The following CSTL1 variants were observed in gnomAD, a reference collection of about 807,000 sequenced individuals.
The protein encoded by CSTL1 is cystatin-like 1.
A neutral mutation model predicts 14.4 loss-of-function variants in CSTL1; 14 were observed. The observed-to-expected ratio is 0.97, with a 90% CI of 0.64 to 1.52. The LOEUF is 1.52. Among genes scored for constraint, CSTL1 ranks in the 40% most tolerant of loss-of-function variants. CSTL1 has a pLI of 0.00. For missense variants in CSTL1, 170 were observed against 168.7 expected (o/e 1.01, Z -0.04); for synonymous variants, 72 against 67.5 (o/e 1.07, Z -0.33).
At chr20:23,460,585 G>C in the CSTL1 span, among the ~76,000 whole-genome samples, 2 of 152,058 alleles carry the variant, frequency 1.3e-5, no homozygotes. Context: ...CCAAAGTTAA[G>C]GACGCACCTG....
chr20:23,458,670 G>T, the CSTL1 span: 3 of 152,196 alleles, frequency 2.0e-5, no homozygotes, highest in Non-Finnish European at 4.4e-5. Context: ...ATTACGGTGA[G>T]GATGAGAAAG....
At chr20:23,460,911 C>T in the CSTL1 span, among the ~76,000 whole-genome samples, 5 of 152,288 alleles carry the variant, frequency 3.3e-5, no homozygotes, top group South Asian at 4.1e-4. Flanking sequence ...AAAAGCTACT[C>T]GCCTCCCCCA....
chr20:23,444,257 C>A (rs2123315710), intron 3 of CSTL1, among the ~76,000 whole-genome samples: 1 of 152,340 alleles, frequency 6.6e-6, no homozygotes, highest in East Asian at 1.9e-4. Context: ...GTTGCCTGGA[C>A]CCTTCTCCAA....
chr20:23,444,062 T>A lies in CSTL1; in HGVS notation c.330+18T>A. The A allele has an allele frequency of 6.3e-7, 1 of 1,590,460 alleles. No individual in the cohort carries two copies. The highest frequency in any genetic ancestry group is 8.6e-7 in the Non-Finnish European group (1 of 1,158,972). On this transcript the variant is annotated intron_variant, in intron 3 of 3. Transcript: ENST00000347397. ...TGAGAAAGGTGTGTAGTGGAAGTCA[T>A]CCCAAAGGGACTTGTGAAGTGAATA...
chr20:23,444,154 C>CCA, intron 3 of CSTL1, 110 bp downstream of exon 3: 1 of 917,354 alleles, frequency 1.1e-6, no homozygotes, highest in Non-Finnish European at 1.7e-6. Context: ...AGCTGGGGCC[C>CCA]AGCCCTGGGG....
the CSTL1 span, among the ~76,000 whole-genome samples, chr20:23,460,928 G>T: frequency 2.0e-5 from 3 of 152,134 alleles, no homozygotes; most frequent in Non-Finnish European, 4.4e-5. Flanking sequence ...CCCATATTCT[G>T]CCCACAAGGA....
the CSTL1 span, chr20:23,450,532 A>T: frequency 6.2e-7 from 1 of 1,612,172 alleles, no homozygotes; most frequent in Non-Finnish European, 8.5e-7. Context: ...CTTTTGTTCA[A>T]AATTTTGTAC....
At position 23,444,875 on chromosome 20, in the gene CSTL1, A is replaced by G. The variant is rs755304627; in HGVS notation, c.435A>G (p.Arg145=). Residue 145 remains arginine, a synonymous_variant, in exon 4 of 4, where the codon AGA becomes AGG. Coordinates refer to ENST00000347397, the MANE Select transcript of CSTL1 (RefSeq NM_138283.1). The part of the protein sequence containing the change: ...LEAEHVGRNL[R] ...CCGAGCATGTGGGCAGAAACCTCAG[A>G]TGAGGGCTCATATGATTGAGTTGTG... 1 of 1,601,364 alleles carries G rather than the reference A, an allele frequency of 6.2e-7. No homozygotes were observed. Among genetic ancestry groups the G allele is most frequent in the South Asian group, 1.1e-5 (1 of 90,814 alleles).
intron 3 of CSTL1, among the ~76,000 whole-genome samples, chr20:23,444,517 G>T (rs1443501025): frequency 5.3e-5 from 8 of 152,210 alleles, no homozygotes; most frequent in Non-Finnish European, 7.3e-5. Context: ...TGGCCCACAT[G>T]ACAGGGTCCG....
the CSTL1 span, among the ~76,000 whole-genome samples, chr20:23,451,616 C>T: frequency 1.3e-5 from 2 of 152,210 alleles, no homozygotes; most frequent in African/African-American, 2.4e-5. Context: ...CCTCCTCACA[C>T]TCCTTCCAGC....
At position 23,440,130 on chromosome 20, in the gene CSTL1, CT is replaced by C; in HGVS notation, c.-124-13del. On this transcript the variant is annotated splice_polypyrimidine_tract_variant and intron_variant, in intron 1 of 3. Coordinates refer to ENST00000347397, the MANE Select transcript of CSTL1 (RefSeq NM_138283.1). ...AGTGACAAGGTTCAGGTCTGAATCTCTGTTTAAATGCAGGCAGGCCATCCCC... is the reference window on the plus strand; with the variant it reads ...AGTGACAAGGTTCAGGTCTGAATCTCGTTTAAATGCAGGCAGGCCATCCCC... 1.3e-6 allele frequency: 1 copy of C among 773,440 alleles called. No homozygotes were observed. The highest frequency in any genetic ancestry group is 2.1e-6 in the Non-Finnish European group (1 of 468,728). 47.9% of individuals were successfully genotyped at this position (773,440 alleles called of 1,614,324 possible).
At chr20:23,446,312 G>A (rs551835901), downstream of CSTL1, among the ~76,000 whole-genome samples, 21 of 150,930 alleles carry the variant, frequency 1.4e-4, no homozygotes, top group African/African-American at 3.4e-4. Flanking sequence ...CTGGAGTGCC[G>A]TGGCACGATC....
the CSTL1 span, among the ~76,000 whole-genome samples, chr20:23,451,216 T>C: frequency 6.6e-6 from 1 of 152,188 alleles, no homozygotes; most frequent in African/African-American, 2.4e-5. Context: ...CATCCATCTG[T>C]CCATTGCACC....
chr20:23,447,917 T>A (rs1987000194), downstream of CSTL1, among the ~76,000 whole-genome samples: 1 of 152,260 alleles, frequency 6.6e-6, no homozygotes, highest in Admixed American at 6.5e-5. Context: ...TCGATTTAAA[T>A]CTTGTTCAAC....
intron 2 of CSTL1, chr20:23,442,122 G>C (rs73901870): frequency 0.094 from 14,319 of 152,364 alleles, 1,066 homozygotes; most frequent in African/African-American, 0.21. Flanking sequence ...AAGGAATAAT[G>C]ATGAGCATTT....
chr20:23,456,395 C>G, the CSTL1 span, among the ~76,000 whole-genome samples: 2 of 152,202 alleles, frequency 1.3e-5, no homozygotes, highest in Non-Finnish European at 2.9e-5. Context: ...ACCACATCTC[C>G]TCTGCCTCTT....
Position 23,440,376 on chromosome 20 carries a change from A to G in CSTL1, c.109A>G (p.Ser37Gly), listed in dbSNP as rs773770316. 1.2e-6 allele frequency: 2 copies of G among 1,614,200 alleles called. No homozygotes were observed. Among genetic ancestry groups the G allele is most frequent in the Admixed American group, 3.3e-5 (2 of 60,030 alleles). Residue 37 changes from serine (S) to glycine (G), a missense_variant, in exon 2 of 4, where the codon AGC becomes GGC. Transcript: ENST00000347397. ...GGAGGGCTTCCAGCAGAAGCTCATG[A>G]GCAAGAAGAACATGAATTCAACACT... ...RWEGFQQKLM[S>G]KKNMNSTLNF...
the CSTL1 span, among the ~76,000 whole-genome samples, chr20:23,451,036 C>T: frequency 6.6e-6 from 1 of 152,144 alleles, no homozygotes; most frequent in Non-Finnish European, 1.5e-5. Flanking sequence ...ATCCCCCATC[C>T]ATCCATTTAC....
chr20:23,452,058 C>T, the CSTL1 span: 3 of 594,146 alleles, frequency 5.0e-6, no homozygotes, highest in Non-Finnish European at 9.1e-6. Flanking sequence ...CCTCTCTCCT[C>T]TATTTGACTC....
Sources: gnomAD v4.1 joint callset for allele counts (sites outside exome capture counted in the v4.1 genomes callset) on GRCh38, gnomAD v4.1.1 for gene constraint, MANE v1.5 for transcripts, NCBI Gene and HGNC (gene_info 2026-07-23, HGNC 2026-07-21) for gene names.